Variants in STK17B observed in about 807,000 individuals in gnomAD.
The protein encoded by STK17B is serine/threonine kinase 17b.
STK17B carries 21 observed loss-of-function variants against 42.0 expected under a neutral mutation model. The observed-to-expected ratio is 0.50, with a 90% CI of 0.35 to 0.72. STK17B has a LOEUF of 0.72. STK17B is among the 30% of genes least tolerant of loss of function. The probability of loss-of-function intolerance (pLI) is 0.00; values close to 1 mark genes in which losing one functional copy is unlikely to be tolerated. For synonymous variants in STK17B, 143 were observed against 148.4 expected, an observed-to-expected ratio of 0.96 and a Z score of 0.26; for missense variants, 349 against 446.0, an observed-to-expected ratio of 0.78 and a Z score of 1.96.
chr2:196,147,342 T>C (rs2176728), intron 3 of STK17B, among the ~76,000 whole-genome samples: 13,520 of 152,120 alleles, frequency 0.089, 749 homozygotes, highest in Non-Finnish European at 0.12. Flanking sequence ...GTAATGTTTG[T>C]TGAATGAATG....
chr2:196,150,181 A>AAAAAAAAAAAAAAAAAAAAAAC (rs1699645425), intron 3 of STK17B, among the ~76,000 whole-genome samples: 1 of 4,226 alleles, frequency 2.4e-4, no homozygotes, highest in East Asian at 5.7e-3. Flanking sequence ...GCAGTGACTA[A>AAAAAAAAAAAAAAAAAAAAAAC]AAAAAAAAAA....
chr2:196,142,343 C>G (rs1210866290), intron 5 of STK17B, among the ~76,000 whole-genome samples: 7 of 152,188 alleles, frequency 4.6e-5, no homozygotes, highest in Non-Finnish European at 1.0e-4. Context: ...CAAGTGTGAG[C>G]CACTGCACCC....
At position 196,137,463 on chromosome 2, in the gene STK17B, G is replaced by A. The variant is rs1344278902; in HGVS notation, c.1103C>T (p.Ser368Leu). 2 of 1,613,618 alleles carry A rather than the reference G, an allele frequency of 1.2e-6. No individual in the cohort carries two copies. Among genetic ancestry groups the A allele is most frequent in the Admixed American group, 3.3e-5 (2 of 59,944 alleles). Residue 368 changes from serine to leucine, a missense_variant, in exon 8 of 8, where the codon TCA (serine) becomes TTA (leucine). Around this residue, in one of 3 missense-constraint regions of STK17B, gnomAD observed 87 missense variants for 78.8 expected, o/e 1.10. Coordinates refer to ENST00000263955, the MANE Select transcript of STK17B (RefSeq NM_004226.4). ...AAAAAAGTGCTAACAGAGCAAATCTGAAACAAGTTCATGGGGATTGGGTAA... is the reference window on the plus strand; with the variant it reads ...AAAAAAGTGCTAACAGAGCAAATCTAAAACAAGTTCATGGGGATTGGGTAA... Reference protein sequence around the residue: ...DSLPNPHELVSDLLC With the variant: ...DSLPNPHELVLDLLC
chr2:196,154,702 A>G (rs935466724), intron 3 of STK17B: 11 of 152,356 alleles, frequency 7.2e-5, no homozygotes, highest in African/African-American at 2.6e-4. Context: ...TAATTTCACC[A>G]TATAAAAATT....
upstream of STK17B, among the ~76,000 whole-genome samples, chr2:196,175,917 G>T (rs1027699661): frequency 1.3e-5 from 2 of 152,190 alleles, no homozygotes; most frequent in Non-Finnish European, 2.9e-5. Flanking sequence ...AACCTACAGT[G>T]AGAGAAGTTG....
chr2:196,152,626 C>T (rs556146449), intron 3 of STK17B, among the ~76,000 whole-genome samples: 1 of 152,152 alleles, frequency 6.6e-6, no homozygotes, highest in Non-Finnish European at 1.5e-5. Flanking sequence ...AAGAAACTGG[C>T]CATAATAATA....
At chr2:196,171,711 G>C (rs1462529768), upstream of STK17B, 1 of 151,178 alleles carries the variant, frequency 6.6e-6, no homozygotes, top group Non-Finnish European at 1.5e-5. Context: ...CCGGGGGCGC[G>C]TGTGCGGGGC....
intron 2 of STK17B, among the ~76,000 whole-genome samples, chr2:196,159,149 T>C (rs1699779624): frequency 6.6e-6 from 1 of 152,178 alleles, no homozygotes; most frequent in Middle Eastern, 3.2e-3. Context: ...AATTCACTTG[T>C]AAAATTTAGG....
Position 196,158,196 on chromosome 2 carries a change from G to A in STK17B, c.123-1545C>T, listed in dbSNP as rs186003206. On this transcript the variant is annotated intron_variant, in intron 2 of 7. Transcript: ENST00000263955. ...ACTCTTAGCATGGAAAACAAAACTTGGTGTTTAGGGGGTACGGGGTGGAAA... is the reference window on the plus strand; with the variant it reads ...ACTCTTAGCATGGAAAACAAAACTTAGTGTTTAGGGGGTACGGGGTGGAAA... 3.5e-4 allele frequency among the ~76,000 whole-genome samples: 53 copies of A among 152,212 alleles called. No individual in the cohort carries two copies. The East Asian group carries it at 9.3e-3, about 27-fold the overall frequency.
chr2:196,159,010 C>T (rs1444454525), intron 2 of STK17B, among the ~76,000 whole-genome samples: 3 of 127,592 alleles, frequency 2.4e-5, no homozygotes, highest in Non-Finnish European at 4.9e-5. Flanking sequence ...GACTGTGTCT[C>T]AAAAAAAAAA....
At chr2:196,151,059 G>A (rs1038232994) in intron 3 of STK17B, among the ~76,000 whole-genome samples, 1 of 152,148 alleles carries the variant, frequency 6.6e-6, no homozygotes, top group South Asian at 2.1e-4. Context: ...TGCATGTTTT[G>A]TTACAGTCTC....
chr2:196,169,198 C>T (rs141977871), intron 1 of STK17B, among the ~76,000 whole-genome samples: 6,980 of 151,472 alleles, frequency 0.046, 374 homozygotes, highest in African/African-American at 0.13. Flanking sequence ...GCCTCAGCCT[C>T]CCGAGTAGCT....
chr2:196,137,708 T>C lies in STK17B; in HGVS notation c.858A>G (p.Ile286Met). 6.2e-7 allele frequency: 1 copy of C among 1,613,334 alleles called. No homozygotes were observed. The highest frequency in any genetic ancestry group is 8.5e-7 in the Non-Finnish European group (1 of 1,179,482). ...KNPEKRPTAE[I>M]CLSHSWLQQW... ...GCTGTAGCCAAGAATGAGAAAGGCATATCTCTGCTGTTGGTCTTTTCCTTT... is the reference window on the plus strand; with the variant it reads ...GCTGTAGCCAAGAATGAGAAAGGCACATCTCTGCTGTTGGTCTTTTCCTTT... The change falls in exon 8 of 8, where the codon ATA (isoleucine) becomes ATG (methionine). Residue 286 changes from isoleucine (I) to methionine (M), a missense_variant. This residue lies in a region of STK17B where 256 missense variants were observed against 347.7 expected (regional missense o/e 0.74). Coordinates refer to ENST00000263955, the MANE Select transcript of STK17B (RefSeq NM_004226.4).
Position 196,134,648 on chromosome 2 carries a change from T to C in STK17B, c.*2799A>G, listed in dbSNP as rs532689527. ...CACTGCTCAGAGCTAGGTTCTTTAC[T>C]GTAGGGAAAATAATTAAAATGACAA... On this transcript the variant is annotated 3_prime_UTR_variant, in exon 8 of 8. Transcript: ENST00000263955. 6.6e-6 allele frequency: 1 copy of C among 152,336 alleles called. No homozygotes were observed. The highest frequency in any genetic ancestry group is 2.1e-4 in the South Asian group (1 of 4,830). 9.4% of individuals were successfully genotyped at this position (152,336 alleles called of 1,614,324 possible).
At chr2:196,148,960 G>C (rs148639775) in intron 3 of STK17B, among the ~76,000 whole-genome samples, 1 of 152,262 alleles carries the variant, frequency 6.6e-6, no homozygotes, top group East Asian at 1.9e-4. Flanking sequence ...AACTAGGCTA[G>C]GTGAACTGGG....
chr2:196,166,765 TGTG>T, intron 1 of STK17B, among the ~76,000 whole-genome samples: 1 of 152,232 alleles, frequency 6.6e-6, no homozygotes, highest in Non-Finnish European at 1.5e-5. Context: ...AGAAAGCAAG[TGTG>T]ATGTGAACAA....
chr2:196,175,681 A>C (rs750683894), upstream of STK17B, among the ~76,000 whole-genome samples: 2 of 152,212 alleles, frequency 1.3e-5, no homozygotes, highest in Non-Finnish European at 2.9e-5. Flanking sequence ...TCTTAATATA[A>C]ATTTAATGAC....
At chr2:196,149,697 G>C (rs758551356) in intron 3 of STK17B, among the ~76,000 whole-genome samples, 1 of 152,084 alleles carries the variant, frequency 6.6e-6, no homozygotes, top group African/African-American at 2.4e-5. Flanking sequence ...AGATCAAAAT[G>C]TTGTCTCTAA....
intron 2 of STK17B, among the ~76,000 whole-genome samples, chr2:196,162,477 C>G (rs894874879): frequency 1.4e-5 from 2 of 146,532 alleles, no homozygotes; most frequent in African/African-American, 5.1e-5. Context: ...TTTCATTTAA[C>G]AAAAACTTAC....
Sources: allele counts gnomAD v4.1 joint callset (sites outside exome capture counted in the v4.1 genomes callset), GRCh38; gene constraint gnomAD v4.1.1; regional missense constraint gnomAD v4.1.1; transcripts MANE v1.5; gene names NCBI Gene and HGNC (gene_info 2026-07-23, HGNC 2026-07-21).